The following STPG2 variants were observed in gnomAD, a reference collection of about 807,000 sequenced individuals.
STPG2 encodes sperm tail PG-rich repeat containing 2, also known as sperm-tail PG-rich repeat-containing protein 2.
Under a neutral mutation model 54.2 loss-of-function variants are expected in STPG2, and 56 were observed. The observed-to-expected ratio is 1.03, with a 90% CI of 0.83 to 1.29. The LOEUF is 1.29. Ranked by LOEUF, STPG2 falls within the 50% of genes most tolerant of loss-of-function variation. The pLI is 0.00. For missense variants in STPG2, 596 were observed against 544.9 expected (o/e 1.09, Z -0.93); for synonymous variants, 200 against 181.8 (o/e 1.10, Z -0.81).
In STPG2 at chr4:97,914,203, A is replaced by G. The variant is rs564854198; in HGVS notation, c.1044+29694T>C. On this transcript the variant is annotated intron_variant, in intron 8 of 10. Coordinates refer to ENST00000295268, the MANE Select transcript of STPG2 (RefSeq NM_174952.3). Reference sequence around the variant, plus strand: ...TGTCTGAAAGTAAATTATTACCCCAAGTTAAACTGATTGCTCATCATATAT... The same window carrying G: ...TGTCTGAAAGTAAATTATTACCCCAGGTTAAACTGATTGCTCATCATATAT... Among the ~76,000 whole-genome samples the G allele has an allele frequency of 2.0e-4, 31 of 152,312 alleles. No homozygotes were observed. The South Asian group carries it at 5.8e-3, about 29-fold the overall frequency.
chr4:97,568,900 G>GTTTTT (rs70953073), intron 10 of STPG2, among the ~76,000 whole-genome samples: 10 of 143,744 alleles, frequency 7.0e-5, no homozygotes, highest in African/African-American at 2.6e-4. Flanking sequence ...TTTTTGTTTT[G>GTTTTT]TTTTTTTTTT....
chr4:97,971,548 A>G (rs1734326776), intron 7 of STPG2, among the ~76,000 whole-genome samples: 1 of 152,176 alleles, frequency 6.6e-6, no homozygotes, highest in Non-Finnish European at 1.5e-5. Context: ...TAACACAAGG[A>G]AAGACGACCA....
At chr4:98,064,848 C>T (rs1737779601) in intron 5 of STPG2, among the ~76,000 whole-genome samples, 1 of 152,008 alleles carries the variant, frequency 6.6e-6, no homozygotes, top group Non-Finnish European at 1.5e-5. Context: ...CAAAAAAACA[C>T]AAAACATACA....
At chr4:98,009,188 A>G (rs1242036030) in intron 5 of STPG2, among the ~76,000 whole-genome samples, 1 of 151,442 alleles carries the variant, frequency 6.6e-6, no homozygotes, top group African/African-American at 2.4e-5. Context: ...TGTTTATTTC[A>G]GATCATTCTT....
At chr4:97,680,242 A>AT (rs1722990134) in intron 10 of STPG2, among the ~76,000 whole-genome samples, 1 of 151,646 alleles carries the variant, frequency 6.6e-6, no homozygotes, top group Non-Finnish European at 1.5e-5. Context: ...TACGATATTG[A>AT]TTCTTCCTAC....
chr4:97,504,091 T>C (rs1363296758), intron 4 of STPG2, among the ~76,000 whole-genome samples: 1 of 145,686 alleles, frequency 6.9e-6, no homozygotes, highest in Admixed American at 6.9e-5. Context: ...TTATTTTATT[T>C]AATATTTAAT....
At chr4:97,991,097 A>T (rs1734989591) in intron 5 of STPG2, among the ~76,000 whole-genome samples, 1 of 151,802 alleles carries the variant, frequency 6.6e-6, no homozygotes, top group Non-Finnish European at 1.5e-5. Flanking sequence ...CCCGAAGCCC[A>T]TTGTATCATT....
At chr4:98,104,543 T>C (rs1368780237) in intron 5 of STPG2, among the ~76,000 whole-genome samples, 2 of 152,200 alleles carry the variant, frequency 1.3e-5, no homozygotes, top group Non-Finnish European at 2.9e-5. Flanking sequence ...AAGCAAAGCG[T>C]TTATTTTATA....
chr4:97,901,762 T>A (rs1160226910), intron 8 of STPG2, among the ~76,000 whole-genome samples: 1 of 151,908 alleles, frequency 6.6e-6, no homozygotes, highest in Non-Finnish European at 1.5e-5. Context: ...ACAGATTCAA[T>A]GCAATCCCTA....
At chr4:97,922,998 A>C (rs1180655460) in intron 8 of STPG2, among the ~76,000 whole-genome samples, 1 of 152,116 alleles carries the variant, frequency 6.6e-6, no homozygotes, top group Non-Finnish European at 1.5e-5. Flanking sequence ...TTTCTACCAA[A>C]GTCATTTCAA....
intron 10 of STPG2, among the ~76,000 whole-genome samples, chr4:97,589,988 G>A (rs1733095954): frequency 6.6e-6 from 1 of 152,086 alleles, no homozygotes; most frequent in African/African-American, 2.4e-5. Flanking sequence ...AAAGAGGGAT[G>A]CATTTCTTAG....
intron 10 of STPG2, among the ~76,000 whole-genome samples, chr4:97,565,584 G>A (rs1330499326): frequency 2.6e-5 from 4 of 152,116 alleles, no homozygotes; most frequent in Admixed American, 2.6e-4. Context: ...TTTGGTCTTT[G>A]ATGATGTGAT....
chr4:98,017,798 T>C (rs9998582), intron 5 of STPG2, among the ~76,000 whole-genome samples: 59,908 of 151,924 alleles, frequency 0.39, 12,052 homozygotes, highest in Middle Eastern at 0.46. Context: ...GTTTCCCCCA[T>C]GCTATTCTCA....
At chr4:97,558,527 T>C (rs1426474609), downstream of STPG2, among the ~76,000 whole-genome samples, 2 of 152,122 alleles carry the variant, frequency 1.3e-5, no homozygotes, top group African/African-American at 4.8e-5. Flanking sequence ...CCAGCTGCCT[T>C]ATTGTATGCT....
intron 8 of STPG2, among the ~76,000 whole-genome samples, chr4:97,936,017 C>T (rs906080405): frequency 2.6e-5 from 4 of 152,094 alleles, no homozygotes; most frequent in Non-Finnish European, 5.9e-5. Flanking sequence ...GACTCTAAGT[C>T]TCTTCGTAGG....
chr4:97,594,604 A>G (rs1733232885), intron 10 of STPG2, among the ~76,000 whole-genome samples: 1 of 152,196 alleles, frequency 6.6e-6, no homozygotes, highest in Admixed American at 6.5e-5. Flanking sequence ...AATTTCTCCA[A>G]CCTCACCGGA....
At chr4:97,945,014 G>A (rs1733147975) in intron 7 of STPG2, among the ~76,000 whole-genome samples, 1 of 152,044 alleles carries the variant, frequency 6.6e-6, no homozygotes, top group Non-Finnish European at 1.5e-5. Context: ...TTATTTTTGT[G>A]TAGTTTTTAA....
chr4:97,481,883 TAG>T (rs1256936553), intron 4 of STPG2, among the ~76,000 whole-genome samples: 1 of 151,630 alleles, frequency 6.6e-6, no homozygotes, highest in Non-Finnish European at 1.5e-5. Flanking sequence ...CTATGTTGAA[TAG>T]GAGATGTGAA....
chr4:98,077,412 T>A (rs1738206611), intron 5 of STPG2, among the ~76,000 whole-genome samples: 1 of 152,118 alleles, frequency 6.6e-6, no homozygotes, highest in South Asian at 2.1e-4. Context: ...CCGCCTAATT[T>A]TTTGTATTTA....
Sources: gnomAD v4.1 joint callset for allele counts (sites outside exome capture counted in the v4.1 genomes callset) on GRCh38, gnomAD v4.1.1 for gene constraint, MANE v1.5 for transcripts, NCBI Gene and HGNC (gene_info 2026-07-23, HGNC 2026-07-21) for gene names.